The following ASIC2 variants were observed in gnomAD, a reference collection of about 807,000 sequenced individuals.
ASIC2 encodes acid-sensing ion channel 2.
In ASIC2, 25 loss-of-function variants were observed where a neutral mutation model predicts 57.3. The observed-to-expected ratio is 0.44, with a 90% CI of 0.32 to 0.61. The LOEUF (loss-of-function observed/expected upper bound fraction) is 0.61. ASIC2 is among the 20% of genes least tolerant of loss of function. The probability of loss-of-function intolerance (pLI) is 0.06; values close to 1 mark genes in which losing one functional copy is unlikely to be tolerated. For synonymous variants in ASIC2, 319 were observed against 307.5 expected (o/e 1.04, Z -0.39); for missense variants, 641 against 738.1 (o/e 0.87, Z 1.52).
chr17:33,832,325 C>T (rs1205915462), intron 1 of ASIC2, among the ~76,000 whole-genome samples: 1 of 152,250 alleles, frequency 6.6e-6, no homozygotes, highest in Non-Finnish European at 1.5e-5. Context: ...CCAGAAATCA[C>T]TGGAGACCTA....
At chr17:34,145,574 C>T (rs529662807) in intron 1 of ASIC2, among the ~76,000 whole-genome samples, 13 of 152,286 alleles carry the variant, frequency 8.5e-5, no homozygotes, top group African/African-American at 2.9e-4. Context: ...TCTAGTCTGC[C>T]GATATCCACT....
At chr17:33,154,947 A>C (rs1292184460) in intron 1 of ASIC2, among the ~76,000 whole-genome samples, 1 of 152,174 alleles carries the variant, frequency 6.6e-6, no homozygotes, top group African/African-American at 2.4e-5. Flanking sequence ...TGCATTTCTA[A>C]TTGCGCTGAG....
chr17:33,397,998 A>G (rs542319335), intron 1 of ASIC2, among the ~76,000 whole-genome samples: 26 of 152,164 alleles, frequency 1.7e-4, no homozygotes, highest in Non-Finnish European at 3.5e-4. Flanking sequence ...TAGAGTGTGA[A>G]GTTTCACATG....
At chr17:33,359,783 G>T (rs1350287133) in intron 1 of ASIC2, among the ~76,000 whole-genome samples, 1 of 152,154 alleles carries the variant, frequency 6.6e-6, no homozygotes, top group Non-Finnish European at 1.5e-5. Context: ...AGATGTGATG[G>T]GTGATGCTCC....
chr17:33,440,603 C>T (rs1259473233), intron 1 of ASIC2, among the ~76,000 whole-genome samples: 3 of 152,220 alleles, frequency 2.0e-5, no homozygotes, highest in Non-Finnish European at 4.4e-5. Flanking sequence ...CCAATTTCTT[C>T]ATATCCTCAT....
At chr17:33,121,245 T>A (rs1359373622) in intron 1 of ASIC2, among the ~76,000 whole-genome samples, 1 of 152,202 alleles carries the variant, frequency 6.6e-6, no homozygotes, top group Non-Finnish European at 1.5e-5. Context: ...TCTTGTTCAT[T>A]TACTTAGTGA....
chr17:34,154,395 T>C (rs1323614327), intron 1 of ASIC2, among the ~76,000 whole-genome samples: 4 of 152,224 alleles, frequency 2.6e-5, no homozygotes, highest in African/African-American at 9.6e-5. Context: ...CAGCTCAGAC[T>C]GGCTTCCTCT....
chr17:33,850,431 G>A (rs1597901924), intron 1 of ASIC2, among the ~76,000 whole-genome samples: 1 of 152,290 alleles, frequency 6.6e-6, no homozygotes, highest in East Asian at 1.9e-4. Context: ...TCCATGTTTA[G>A]TTCTTCTCGC....
chr17:34,055,224 C>A (rs944040296), intron 1 of ASIC2, among the ~76,000 whole-genome samples: 1 of 152,226 alleles, frequency 6.6e-6, no homozygotes, highest in African/African-American at 2.4e-5. Context: ...AGACACGATT[C>A]GATTTATATG....
chr17:33,608,232 C>G (rs925814608), intron 1 of ASIC2, among the ~76,000 whole-genome samples: 1 of 152,128 alleles, frequency 6.6e-6, no homozygotes, highest in Non-Finnish European at 1.5e-5. Flanking sequence ...TGAGAAGGAT[C>G]AAGCTCACAC....
intron 1 of ASIC2, among the ~76,000 whole-genome samples, chr17:33,898,218 A>ATTTTT (rs1242866465): frequency 7.4e-5 from 5 of 67,820 alleles, no homozygotes; most frequent in Admixed American, 1.7e-4. Flanking sequence ...TTCATGTATA[A>ATTTTT]TCTTTTTTTT....
At chr17:33,665,250 T>C (rs1907432975) in intron 1 of ASIC2, among the ~76,000 whole-genome samples, 1 of 152,216 alleles carries the variant, frequency 6.6e-6, no homozygotes, top group Non-Finnish European at 1.5e-5. Context: ...GGAAATGTGG[T>C]CCATATATAC....
chr17:33,174,624 A>AT (rs1190878639), intron 1 of ASIC2, among the ~76,000 whole-genome samples: 1 of 152,162 alleles, frequency 6.6e-6, no homozygotes, highest in Admixed American at 6.5e-5. Context: ...CCTCCCAGGC[A>AT]TACAGCAGGA....
intron 2 of ASIC2, among the ~76,000 whole-genome samples, chr17:33,091,832 G>A (rs1472308237): frequency 6.6e-6 from 1 of 152,208 alleles, no homozygotes; most frequent in Non-Finnish European, 1.5e-5. Flanking sequence ...TGCAAAGATG[G>A]GAACGTGCTA....
At chr17:33,542,974 A>G (rs1300819865) in intron 1 of ASIC2, among the ~76,000 whole-genome samples, 3 of 151,960 alleles carry the variant, frequency 2.0e-5, no homozygotes, top group African/African-American at 7.3e-5. Flanking sequence ...TGATGAGTTC[A>G]TGTCCTTTGT....
chr17:33,648,188 A>G (rs893213396), intron 1 of ASIC2, among the ~76,000 whole-genome samples: 1 of 152,210 alleles, frequency 6.6e-6, no homozygotes, highest in Non-Finnish European at 1.5e-5. Flanking sequence ...TGGCAGCCAC[A>G]TGTAATTCTG....
chr17:33,787,620 T>C (rs1014652761), intron 1 of ASIC2, among the ~76,000 whole-genome samples: 1 of 139,646 alleles, frequency 7.2e-6, no homozygotes, highest in African/African-American at 2.7e-5. Context: ...CCTCAAAATA[T>C]GTCCCAGCAG....
chr17:33,635,726 A>G (rs1906337653), intron 1 of ASIC2, among the ~76,000 whole-genome samples: 1 of 152,244 alleles, frequency 6.6e-6, no homozygotes, highest in Non-Finnish European at 1.5e-5. Context: ...TGCCCTGCAT[A>G]TTAATGGGGA....
At chr17:34,021,987 G>A (rs571287913) in intron 1 of ASIC2, among the ~76,000 whole-genome samples, 57 of 152,004 alleles carry the variant, frequency 3.7e-4, no homozygotes, top group African/African-American at 1.3e-3. Flanking sequence ...ATAGGTGCCC[G>A]CCACCACGCC....
Sources: gnomAD v4.1 joint callset for allele counts (sites outside exome capture counted in the v4.1 genomes callset) on GRCh38, gnomAD v4.1.1 for gene constraint, MANE v1.5 for transcripts, NCBI Gene and HGNC (gene_info 2026-07-23, HGNC 2026-07-21) for gene names.